GNE: variants seen among roughly 807,000 people sequenced by gnomAD.
GNE encodes glucosamine (UDP-N-acetyl)-2-epimerase/N-acetylmannosamine kinase.
Under a neutral mutation model 61.8 loss-of-function variants are expected in GNE, and 41 were observed. The observed-to-expected ratio is 0.66, with a 90% CI of 0.52 to 0.86. GNE has a LOEUF of 0.86. GNE is among the 40% of genes least tolerant of loss of function. GNE has a pLI of 0.00. For synonymous variants in GNE, 264 were observed against 326.4 expected, an observed-to-expected ratio of 0.81 and a Z score of 2.06; for missense variants, 608 against 909.1, an observed-to-expected ratio of 0.67 and a Z score of 4.26.
upstream of GNE, among the ~76,000 whole-genome samples, chr9:36,260,611 T>C (rs1830576000): frequency 6.6e-6 from 1 of 152,112 alleles, no homozygotes; most frequent in African/African-American, 2.4e-5. Context: ...GGCTCACGCC[T>C]GTAATCCTAG....
At chr9:36,272,055 C>T (rs1304677947) in intron 1 of GNE, among the ~76,000 whole-genome samples, 2 of 152,158 alleles carry the variant, frequency 1.3e-5, no homozygotes, top group East Asian at 1.9e-4. Context: ...TCTAGGCTCA[C>T]GATCGTAGTA....
At chr9:36,259,819 C>T (rs772856768), upstream of GNE, among the ~76,000 whole-genome samples, 4 of 152,086 alleles carry the variant, frequency 2.6e-5, no homozygotes, top group Non-Finnish European at 2.9e-5. Context: ...CACCACCATG[C>T]CCGGCTAATT....
rs1828442699 is a variant in GNE at position 36,218,650 on chromosome 9, A to G, written c.1817-351T>C. Among the ~76,000 whole-genome samples the G allele has an allele frequency of 1.3e-5, 2 of 152,052 alleles. No homozygotes were observed. The highest frequency in any genetic ancestry group is 1.3e-4 in the Admixed American group (2 of 15,278). On this transcript the variant is annotated intron_variant, in intron 10 of 11. Transcript: ENST00000642385. The surrounding 1 kb of genome is among the most constrained non-coding windows in gnomAD (Gnocchi z 4.1). ...TCCCACATTCACTCCTTCCTTACTC[A>G]TCCCAGACACAATGCTGTGCCATCT...
At chr9:36,221,946 A>G (rs1828605545) in intron 9 of GNE, among the ~76,000 whole-genome samples, 1 of 152,216 alleles carries the variant, frequency 6.6e-6, no homozygotes, top group South Asian at 2.1e-4. Context: ...ACTGGTGTAC[A>G]GAAACAGTAC....
chr9:36,245,917 C>G (rs1829851092), intron 3 of GNE, 114 bp downstream of exon 3: 4 of 824,778 alleles, frequency 4.8e-6, no homozygotes, highest in Non-Finnish European at 7.9e-6. Flanking sequence ...AAACCTTGGC[C>G]TTCTCATTGC....
chr9:36,268,038 C>G (rs1382095598), intron 1 of GNE: 1 of 152,014 alleles, frequency 6.6e-6, no homozygotes, highest in Admixed American at 6.6e-5. Flanking sequence ...ACCCAGGAAG[C>G]TGAAGCGGGA....
At chr9:36,265,537 C>G in intron 1 of GNE, 1 of 448,960 alleles carries the variant, frequency 2.2e-6, no homozygotes, top group Admixed American at 2.4e-5. Context: ...CCATATTAAG[C>G]TGGATATTCC....
chr9:36,260,485 T>C (rs1006086326), upstream of GNE, among the ~76,000 whole-genome samples: 5 of 152,208 alleles, frequency 3.3e-5, no homozygotes, highest in African/African-American at 4.8e-5. Context: ...CAGTGAGATA[T>C]ATGAATCTGA....
chr9:36,274,789 C>T lies in GNE; in HGVS notation c.51+2105G>A, dbSNP rs906331655. ...CCAGGCTGGAGTGCCGTGGCGCGAT[C>T]TCTGTTCACTGCAAGCTCCGCCTCC... On this transcript the variant is annotated intron_variant, in intron 1 of 11. Coordinates refer to the GNE transcript ENST00000396594. Among the ~76,000 whole-genome samples, 5 of 151,338 alleles carry T rather than the reference C, an allele frequency of 3.3e-5. No homozygotes were observed. The East Asian group carries it at 5.9e-4, about 18-fold the overall frequency.
intron 1 of GNE, among the ~76,000 whole-genome samples, chr9:36,271,545 T>C (rs1831028751): frequency 6.6e-6 from 1 of 152,198 alleles, no homozygotes; most frequent in South Asian, 2.1e-4. Context: ...GGCTAATTTC[T>C]GTATTTTTAC....
intron 7 of GNE, 59 bp from the exon 8 acceptor site, chr9:36,223,561 G>A: frequency 6.5e-7 from 1 of 1,544,004 alleles, no homozygotes. Context: ...CATATTGTGA[G>A]TGTTGTGATC....
chr9:36,256,998 G>A (rs7038897), intron 1 of GNE, among the ~76,000 whole-genome samples: 114,525 of 152,046 alleles, frequency 0.75, 43,609 homozygotes, highest in Non-Finnish European at 0.8. Flanking sequence ...CTTGATGTCT[G>A]TTCAAGTCCA....
At chr9:36,263,749 A>C (rs1334153838) in intron 1 of GNE, among the ~76,000 whole-genome samples, 1 of 152,236 alleles carries the variant, frequency 6.6e-6, no homozygotes, top group Non-Finnish European at 1.5e-5. Context: ...TCAAATTTTC[A>C]TAAAGTAAAA....
At chr9:36,267,610 C>T (rs1830853707) in intron 1 of GNE, among the ~76,000 whole-genome samples, 2 of 152,120 alleles carry the variant, frequency 1.3e-5, no homozygotes, top group Admixed American at 1.3e-4. Flanking sequence ...GCATGAGAAT[C>T]GCTTGAATGC....
At chr9:36,221,535 T>A (rs1828587233) in intron 9 of GNE, among the ~76,000 whole-genome samples, 1 of 151,818 alleles carries the variant, frequency 6.6e-6, no homozygotes, top group Non-Finnish European at 1.5e-5. Flanking sequence ...TGGGATGTCA[T>A]AAAAAAATGA....
At chr9:36,230,602 G>A (rs907761743) in intron 5 of GNE, among the ~76,000 whole-genome samples, 3 of 151,340 alleles carry the variant, frequency 2.0e-5, no homozygotes, top group Admixed American at 6.6e-5. Flanking sequence ...GACCACAGGC[G>A]CATGCTACCA....
intron 3 of GNE, among the ~76,000 whole-genome samples, chr9:36,244,062 C>T (rs1360742585): frequency 6.6e-6 from 1 of 151,890 alleles, no homozygotes; most frequent in Non-Finnish European, 1.5e-5. Flanking sequence ...TACTCAGGCT[C>T]AAGTGACCCT....
At chr9:36,242,164 GAAAAA>G (rs35198868) in intron 3 of GNE, among the ~76,000 whole-genome samples, 2 of 146,594 alleles carry the variant, frequency 1.4e-5, no homozygotes, top group Non-Finnish European at 3.0e-5. Flanking sequence ...TCAAAAAAAA[GAAAAA>G]AAAAAAGAAG....
intron 5 of GNE, among the ~76,000 whole-genome samples, chr9:36,230,617 C>T (rs1441443885): frequency 1.3e-5 from 2 of 151,698 alleles, no homozygotes; most frequent in African/African-American, 4.8e-5. Flanking sequence ...CTACCAGGTC[C>T]ACCTAATTTT....
Sources: gnomAD v4.1 joint callset for allele counts (sites outside exome capture counted in the v4.1 genomes callset) on GRCh38, gnomAD v4.1.1 for gene constraint, Gnocchi (gnomAD v3.1) non-coding constraint, MANE v1.5 for transcripts, NCBI Gene and HGNC (gene_info 2026-07-23, HGNC 2026-07-21) for gene names.